The following TSC22D2 variants were observed in gnomAD, a reference collection of about 807,000 sequenced individuals.
TSC22D2 encodes TSC22 domain family member 2, also known as TSC22 domain family protein 2.
TSC22D2 carries 5 observed loss-of-function variants against 50.1 expected under a neutral mutation model. The ratio of observed to expected loss-of-function variants is 0.10; its 90% CI spans 0.05 to 0.21. The LOEUF is 0.21. Among genes scored for constraint, TSC22D2 ranks in the 10% least tolerant of loss-of-function variants. TSC22D2 has a pLI of 1.00. For missense variants in TSC22D2, 1,003 were observed against 1,015.5 expected, an observed-to-expected ratio of 0.99 and a Z score of 0.17; for synonymous variants, 501 against 450.1, an observed-to-expected ratio of 1.11 and a Z score of -1.43.
At position 150,411,030 on chromosome 3, in the gene TSC22D2, C is replaced by G. The variant is rs1403778845; in HGVS notation, c.1680C>G (p.Pro560=). 3.1e-6 allele frequency: 5 copies of G among 1,614,090 alleles called. No individual in the cohort carries two copies. The highest frequency in any genetic ancestry group is 4.2e-6 in the Non-Finnish European group (5 of 1,180,046). The change falls in exon 1 of 3, where the codon CCC becomes CCG. Residue 560 remains proline (P), a synonymous_variant. Transcript: ENST00000688009. ...GCATAATCCAGCATGTTGGGCTGCC[C>G]TTAGCGCCAGGCACACACAGCGCAC... is the stretch of plus-strand genomic sequence containing the variant. The part of the protein sequence containing the change: ...SSSIIQHVGL[P]LAPGTHSAPT...
chr3:150,410,196 T>C lies in TSC22D2; in HGVS notation c.846T>C (p.Gly282=). 1 of 1,602,958 alleles carries C rather than the reference T, an allele frequency of 6.2e-7. No individual in the cohort carries two copies. Residue 282 remains glycine, a synonymous_variant, in exon 1 of 3, where the codon GGT becomes GGC. Transcript: ENST00000688009. The stretch of plus-strand genomic sequence containing the variant: ...CACAGCCGCCGCCGCCACCCGTAGG[T>C]GGGGCTGTGGCTCAAAGCTCGGCTC... ...GQPQPPPPPV[G]GAVAQSSAPL...
rs1719746085 is a variant in TSC22D2 at position 150,414,954 on chromosome 3, CTAGAT to C, written c.1958+3647_1958+3651del. On this transcript the variant is annotated intron_variant, in intron 1 of 2. Transcript: ENST00000688009. ...TTACAGTTGATGTCTGAATCACATA[CTAGAT>C]ACTATCCTATGCCTATCTACACGTT... Among the ~76,000 whole-genome samples the C allele has an allele frequency of 4.0e-4, 59 of 149,170 alleles. 1 individual carries two copies. In the Admixed American group the frequency reaches 4.0e-3, roughly 10 times the overall value.
intron 2 of TSC22D2, among the ~76,000 whole-genome samples, 162 bp from the exon 3 acceptor site, chr3:150,458,214 T>G (rs1721255334): frequency 6.6e-6 from 1 of 152,142 alleles, no homozygotes; most frequent in African/African-American, 2.4e-5. Flanking sequence ...GAACTGGATT[T>G]TTTCCAACCC....
intron 1 of TSC22D2, among the ~76,000 whole-genome samples, chr3:150,455,458 GGTA>G (rs1289114967): frequency 5.3e-5 from 8 of 152,288 alleles, no homozygotes; most frequent in East Asian, 1.9e-4. Context: ...AAGAAGTGAA[GGTA>G]GTATGCTGTA....
At chr3:150,445,125 T>C (rs113993587) in intron 1 of TSC22D2, among the ~76,000 whole-genome samples, 1,597 of 152,034 alleles carry the variant, frequency 0.011, 26 homozygotes, top group African/African-American at 0.036. Context: ...ATTATTTTAC[T>C]CTAAATAATG....
rs766679249 is a variant in TSC22D2 at position 150,464,051 on chromosome 3, A to T, written c.*5415A>T. ...AGGGAAGGGAAAGGTGTGCTAACTT[A>T]GATCATAAAAACAACTGAATTTTAA... On this transcript the variant is annotated 3_prime_UTR_variant, in exon 3 of 3. Coordinates refer to ENST00000688009, the MANE Select transcript of TSC22D2 (RefSeq NM_001303264.2). 12 of 152,184 alleles carry T rather than the reference A, an allele frequency of 7.9e-5. No individual in the cohort carries two copies. Among genetic ancestry groups the T allele is most frequent in the Non-Finnish European group, 1.6e-4 (11 of 68,022 alleles). 9.4% of individuals were successfully genotyped at this position (152,184 alleles called of 1,614,324 possible). A position where few individuals can be genotyped will look rare whatever the true frequency, so the allele number is the denominator to read the frequency against.
chr3:150,410,936 C>G lies in TSC22D2; in HGVS notation c.1586C>G (p.Pro529Arg). The stretch of plus-strand genomic sequence containing the variant: ...GTGTCTACCACTTCTGTTACTATGC[C>G]AAATGTACCCGCGCCTCTGGCCCAG... ...PSVSTTSVTM[P>R]NVPAPLAQSQ... The change falls in exon 1 of 3, where the codon CCA (proline) becomes CGA (arginine). Residue 529 changes from proline to arginine, a missense_variant. Physicochemically the swap from Pro to Arg is moderately radical, Grantham distance 103 (BLOSUM62 -2). Transcript: ENST00000688009. The G allele has an allele frequency of 1.9e-6, 3 of 1,614,150 alleles. No individual in the cohort carries two copies. The highest frequency in any genetic ancestry group is 2.5e-6 in the Non-Finnish European group (3 of 1,180,026).
intron 1 of TSC22D2, among the ~76,000 whole-genome samples, chr3:150,423,781 G>T (rs534574065): frequency 1.3e-5 from 2 of 152,182 alleles, no homozygotes; most frequent in African/African-American, 2.4e-5. Flanking sequence ...ATTTTAAGTA[G>T]TGTATGCTCT....
intron 1 of TSC22D2, among the ~76,000 whole-genome samples, chr3:150,443,171 C>T (rs1228259010): frequency 6.6e-6 from 1 of 152,176 alleles, no homozygotes; most frequent in Non-Finnish European, 1.5e-5. Flanking sequence ...TGATGTCTTA[C>T]TTTTGCATCC....
chr3:150,433,625 C>T (rs1430113938), intron 1 of TSC22D2, among the ~76,000 whole-genome samples: 1 of 152,162 alleles, frequency 6.6e-6, no homozygotes, highest in Non-Finnish European at 1.5e-5. Context: ...CAGAAAATTT[C>T]TGCGTTTATT....
intron 1 of TSC22D2, among the ~76,000 whole-genome samples, chr3:150,453,661 T>C (rs1721108704): frequency 6.6e-6 from 1 of 152,252 alleles, no homozygotes. Flanking sequence ...GTGATGCTGA[T>C]GATTCTGGTT....
At chr3:150,452,714 A>G (rs1721080831) in intron 1 of TSC22D2, among the ~76,000 whole-genome samples, 1 of 152,210 alleles carries the variant, frequency 6.6e-6, no homozygotes, top group Admixed American at 6.5e-5. Flanking sequence ...TGTAAGTATA[A>G]TTAGCTTTAA....
intron 1 of TSC22D2, among the ~76,000 whole-genome samples, chr3:150,420,660 T>C (rs751791546): frequency 6.6e-6 from 1 of 152,244 alleles, no homozygotes; most frequent in African/African-American, 2.4e-5. Context: ...TTAAGAGATA[T>C]TGCACTATTC....
Position 150,458,652 on chromosome 3 carries a change from CATT to C in TSC22D2, c.*18_*20del, listed in dbSNP as rs1721273359. 2 of 1,607,296 alleles carry C rather than the reference CATT, an allele frequency of 1.2e-6. No individual in the cohort carries two copies. Among genetic ancestry groups the C allele is most frequent in the African/African-American group, 2.7e-5 (2 of 74,508 alleles). ...CTCAGCATAAAGCTTTCTTAAGCCT[CATT>C]AAGAAAAAAACTGAAAGCAATCTAT... is the stretch of plus-strand genomic sequence containing the variant. On this transcript the variant is annotated 3_prime_UTR_variant, in exon 3 of 3. Coordinates refer to ENST00000688009, the MANE Select transcript of TSC22D2 (RefSeq NM_001303264.2).
At chr3:150,443,247 T>G (rs1167111778) in intron 1 of TSC22D2, among the ~76,000 whole-genome samples, 1 of 152,186 alleles carries the variant, frequency 6.6e-6, no homozygotes, top group Non-Finnish European at 1.5e-5. Context: ...TCTTAAAATG[T>G]GAAGCAGAAA....
intron 1 of TSC22D2, among the ~76,000 whole-genome samples, chr3:150,444,810 G>GA (rs1559848339): frequency 6.6e-6 from 1 of 152,058 alleles, no homozygotes; most frequent in Admixed American, 6.6e-5. Context: ...TTGCTTGAGT[G>GA]AAAAAAACCT....
At chr3:150,444,394 G>A (rs1199537932) in intron 1 of TSC22D2, among the ~76,000 whole-genome samples, 1 of 152,222 alleles carries the variant, frequency 6.6e-6, no homozygotes, top group East Asian at 1.9e-4. Flanking sequence ...GCAGAGTAGT[G>A]TTGTAATAAG....
At chr3:150,456,468 G>C (rs1409132697) in intron 1 of TSC22D2, among the ~76,000 whole-genome samples, 1 of 152,058 alleles carries the variant, frequency 6.6e-6, no homozygotes, top group Non-Finnish European at 1.5e-5. Flanking sequence ...GATTACAAGC[G>C]TGAGCCACCA....
At chr3:150,447,025 CAAAAAT>C (rs1559849180) in intron 1 of TSC22D2, among the ~76,000 whole-genome samples, 1 of 151,962 alleles carries the variant, frequency 6.6e-6, no homozygotes, top group African/African-American at 2.4e-5. Flanking sequence ...AAAAGATGAG[CAAAAAT>C]TATGTGCTTT....
Sources: allele counts gnomAD v4.1 joint callset (sites outside exome capture counted in the v4.1 genomes callset), GRCh38; gene constraint gnomAD v4.1.1; transcripts MANE v1.5; gene names NCBI Gene and HGNC (gene_info 2026-07-23, HGNC 2026-07-21).